Variants in APP observed in about 807,000 individuals in gnomAD.
APP encodes the protein amyloid-beta precursor protein.
A neutral mutation model predicts 101.4 loss-of-function variants in APP; 31 were observed. The observed-to-expected ratio is 0.31, with a 90% CI of 0.23 to 0.41. APP has a LOEUF of 0.41. Among genes scored for constraint, APP ranks in the 10% least tolerant of loss-of-function variants. The probability of loss-of-function intolerance (pLI) is 1.00; values close to 1 mark genes in which losing one functional copy is unlikely to be tolerated. For missense variants in APP, 839 were observed against 1,003.7 expected (o/e 0.84, Z 2.22); for synonymous variants, 366 against 364.4 (o/e 1.00, Z -0.05).
intron 13 of APP, among the ~76,000 whole-genome samples, chr21:25,933,186 A>G (rs1367166792): frequency 1.3e-5 from 2 of 152,090 alleles, no homozygotes; most frequent in Non-Finnish European, 2.9e-5. Context: ...TGAACCTTGA[A>G]CTGCTGGGCT....
intron 11 of APP, among the ~76,000 whole-genome samples, chr21:25,972,898 C>T (rs765555136): frequency 1.3e-5 from 2 of 151,670 alleles, no homozygotes; most frequent in Non-Finnish European, 2.9e-5. Context: ...TGACAACAAC[C>T]GCTTACAGAG....
intron 1 of APP, among the ~76,000 whole-genome samples, chr21:26,128,053 T>C (rs2062719074): frequency 6.6e-6 from 1 of 152,198 alleles, no homozygotes; most frequent in African/African-American, 2.4e-5. Flanking sequence ...TAACCACATA[T>C]GACACACTGG....
intron 17 of APP, among the ~76,000 whole-genome samples, chr21:25,890,052 T>A (rs931227428): frequency 6.6e-6 from 1 of 152,194 alleles, no homozygotes; most frequent in Admixed American, 6.5e-5. Flanking sequence ...TTACACTGTT[T>A]TGAGGGACAT....
chr21:26,120,932 G>A (rs1188380383), intron 1 of APP, among the ~76,000 whole-genome samples: 8 of 152,108 alleles, frequency 5.3e-5, no homozygotes, highest in Non-Finnish European at 4.4e-5. Flanking sequence ...ACTCCATCAA[G>A]CCATATGTGT....
intron 5 of APP, among the ~76,000 whole-genome samples, chr21:26,025,728 T>C (rs1228460650): frequency 6.6e-6 from 1 of 152,206 alleles, no homozygotes; most frequent in Non-Finnish European, 1.5e-5. Context: ...ACTGGCATAA[T>C]AACCAGGAAC....
intron 3 of APP, among the ~76,000 whole-genome samples, chr21:26,087,980 C>T (rs753329059): frequency 1.3e-5 from 2 of 151,928 alleles, no homozygotes; most frequent in African/African-American, 2.4e-5. Context: ...TTGTACTGTT[C>T]GTTCACTTGG....
intron 1 of APP, among the ~76,000 whole-genome samples, chr21:26,133,057 C>T (rs1245231031): frequency 6.6e-6 from 1 of 151,356 alleles, no homozygotes; most frequent in Non-Finnish European, 1.5e-5. Flanking sequence ...GGCAACATGG[C>T]AAAACCCCGT....
intron 1 of APP, among the ~76,000 whole-genome samples, chr21:26,148,227 G>C (rs922207576): frequency 7.2e-5 from 11 of 152,176 alleles, no homozygotes; most frequent in Admixed American, 5.9e-4. Context: ...ATTTCAATGA[G>C]GTTGGCAGAG....
chr21:26,020,028 CTCTGT>C (rs1197154516), intron 6 of APP, among the ~76,000 whole-genome samples: 1 of 152,164 alleles, frequency 6.6e-6, no homozygotes, highest in Non-Finnish European at 1.5e-5. Flanking sequence ...CCATCTTGCA[CTCTGT>C]TCTTTTTTTT....
intron 8 of APP, among the ~76,000 whole-genome samples, chr21:25,991,734 C>T: frequency 6.6e-6 from 1 of 152,184 alleles, no homozygotes; most frequent in East Asian, 1.9e-4. Flanking sequence ...TATTTGTTTA[C>T]TTATTGTCTA....
At chr21:25,932,241 A>G (rs927020314) in intron 13 of APP, among the ~76,000 whole-genome samples, 1 of 152,248 alleles carries the variant, frequency 6.6e-6, no homozygotes, top group Non-Finnish European at 1.5e-5. Context: ...GAGAACAAAG[A>G]AGAAAATAGT....
chr21:26,159,493 C>T (rs2063446249), intron 1 of APP, among the ~76,000 whole-genome samples: 1 of 152,208 alleles, frequency 6.6e-6, no homozygotes, highest in Non-Finnish European at 1.5e-5. Flanking sequence ...AATGCACAAT[C>T]CAAATATTCA....
intron 16 of APP, among the ~76,000 whole-genome samples, chr21:25,892,840 T>C (rs1270775224): frequency 6.6e-6 from 1 of 152,158 alleles, no homozygotes; most frequent in African/African-American, 2.4e-5. Flanking sequence ...GTTGATCTTA[T>C]GCCAGATGAA....
At chr21:26,020,379 A>G (rs2044285222) in intron 6 of APP, among the ~76,000 whole-genome samples, 1 of 152,306 alleles carries the variant, frequency 6.6e-6, no homozygotes, top group Middle Eastern at 3.4e-3. Context: ...CAGCTTGGCA[A>G]ATTTCTTAAA....
intron 8 of APP, among the ~76,000 whole-genome samples, chr21:25,991,805 A>T (rs901367047): frequency 2.0e-5 from 3 of 152,228 alleles, no homozygotes; most frequent in African/African-American, 7.2e-5. Context: ...ATGATCTACA[A>T]AGCCTAAAAT....
At chr21:26,150,627 A>AGATAGATAGATAGATAGATAGATG (rs1420976518) in intron 1 of APP, among the ~76,000 whole-genome samples, 18 of 109,416 alleles carry the variant, frequency 1.6e-4, no homozygotes, top group African/African-American at 6.3e-4. Context: ...ACAGATAGAT[A>AGATAGATAGATAGATAGATAGATG]GACAGACAGA....
intron 1 of APP, among the ~76,000 whole-genome samples, chr21:26,162,715 T>C (rs1473121307): frequency 1.3e-5 from 2 of 150,628 alleles, no homozygotes; most frequent in Non-Finnish European, 1.5e-5. Context: ...TTAACACAAA[T>C]GACTTTTCTT....
At position 25,880,657 on chromosome 21, in the gene APP, A is replaced by G. The variant is rs199902897; in HGVS notation, c.*1013T>C. On this transcript the variant is annotated 3_prime_UTR_variant, in exon 18 of 18. Transcript: ENST00000346798. ...AGGCATGCCTTCCTCATCCCCTTATATTGCCACTTCCATTTTCATCTTCTT... is the reference window on the plus strand; with the variant it reads ...AGGCATGCCTTCCTCATCCCCTTATGTTGCCACTTCCATTTTCATCTTCTT... 6.6e-5 allele frequency: 10 copies of G among 152,220 alleles called. No homozygotes were observed. The highest frequency in any genetic ancestry group is 4.6e-4 in the Admixed American group (7 of 15,286). 9.4% of individuals were successfully genotyped at this position (152,220 alleles called of 1,614,324 possible).
intron 3 of APP, among the ~76,000 whole-genome samples, chr21:26,062,228 C>T (rs1568927368): frequency 4.0e-5 from 5 of 123,530 alleles, no homozygotes. Flanking sequence ...AACAAACAAA[C>T]AAACACACAC....
Sources: allele counts gnomAD v4.1 joint callset (sites outside exome capture counted in the v4.1 genomes callset), GRCh38; gene constraint gnomAD v4.1.1; transcripts MANE v1.5; gene names NCBI Gene and HGNC (gene_info 2026-07-23, HGNC 2026-07-21).